Variants in PTPRQ observed in about 807,000 individuals in gnomAD.
The protein encoded by PTPRQ is phosphatidylinositol phosphatase PTPRQ.
In PTPRQ, 199 loss-of-function variants were observed where a neutral mutation model predicts 246.0. The ratio of observed to expected loss-of-function variants is 0.81; its 90% CI spans 0.72 to 0.91. The LOEUF (loss-of-function observed/expected upper bound fraction) is 0.91, where lower values mean the gene tolerates loss of function less well. PTPRQ is among the 40% of genes least tolerant of loss of function. The pLI is 0.00. For synonymous variants in PTPRQ, 869 were observed against 853.2 expected, an observed-to-expected ratio of 1.02 and a Z score of -0.32; for missense variants, 2,624 against 2,528.4, an observed-to-expected ratio of 1.04 and a Z score of -0.81.
At chr12:80,577,724 A>C (rs1290716437) in intron 25 of PTPRQ, among the ~76,000 whole-genome samples, 1 of 152,176 alleles carries the variant, frequency 6.6e-6, no homozygotes, top group East Asian at 1.9e-4. Context: ...CAATTGTCCA[A>C]CTATACATGC....
At chr12:80,611,367 G>A (rs1898544353) in intron 28 of PTPRQ, among the ~76,000 whole-genome samples, 1 of 150,318 alleles carries the variant, frequency 6.7e-6, no homozygotes. Context: ...TGTAAGGTAA[G>A]TATAGGAAGT....
intron 3 of PTPRQ, among the ~76,000 whole-genome samples, chr12:80,446,611 G>A (rs1030044898): frequency 5.9e-5 from 9 of 151,674 alleles, no homozygotes; most frequent in East Asian, 1.9e-4. Context: ...TTGAAATCCC[G>A]TGTTTATTAT....
chr12:80,663,176 T>C (rs1900684715), intron 39 of PTPRQ, among the ~76,000 whole-genome samples: 1 of 151,902 alleles, frequency 6.6e-6, no homozygotes, highest in Admixed American at 6.6e-5. Flanking sequence ...TAAAATAATA[T>C]TTCAAATCCT....
chr12:80,669,293 C>A, intron 40 of PTPRQ, 46 bp from the exon 41 acceptor site: 1 of 1,542,158 alleles, frequency 6.5e-7, no homozygotes, highest in South Asian at 1.2e-5. Context: ...ACATATATAT[C>A]AATATAACAA....
chr12:80,495,394 T>TGTC (rs1894585697), intron 12 of PTPRQ, 23 bp downstream of exon 12: 1 of 1,490,108 alleles, frequency 6.7e-7, no homozygotes, highest in African/African-American at 1.4e-5. Context: ...GTTTTGTTGT[T>TGTC]GTTGTTGTTG....
intron 26 of PTPRQ, among the ~76,000 whole-genome samples, chr12:80,591,544 T>C (rs1188751320): frequency 6.6e-6 from 1 of 152,166 alleles, no homozygotes; most frequent in African/African-American, 2.4e-5. Context: ...CAGATTGTTT[T>C]CCAGTGCAGG....
At chr12:80,646,633 T>C (rs1900084642) in intron 35 of PTPRQ, among the ~76,000 whole-genome samples, 1 of 152,270 alleles carries the variant, frequency 6.6e-6, no homozygotes, top group East Asian at 1.9e-4. Flanking sequence ...GGAAACTATC[T>C]CCTTGCATGC....
intron 28 of PTPRQ, among the ~76,000 whole-genome samples, chr12:80,612,105 A>G (rs1898574256): frequency 6.7e-6 from 1 of 150,346 alleles, no homozygotes; most frequent in South Asian, 2.1e-4. Flanking sequence ...AGTTGAACAA[A>G]ATAGATATAG....
intron 8 of PTPRQ, among the ~76,000 whole-genome samples, chr12:80,476,154 TA>T (rs914280391): frequency 6.6e-6 from 1 of 152,208 alleles, no homozygotes; most frequent in Middle Eastern, 3.4e-3. Context: ...TTTGTCTGCA[TA>T]AAAACTGCAA....
chr12:80,559,717 T>C (rs1260653844), intron 25 of PTPRQ, among the ~76,000 whole-genome samples: 2 of 152,198 alleles, frequency 1.3e-5, no homozygotes, highest in Non-Finnish European at 2.9e-5. Context: ...CTTTGGAAGG[T>C]ATAGATATAC....
rs1431593404 is a variant in PTPRQ at position 80,533,865 on chromosome 12, T to G, written c.2679-150T>G. 3 of 560,340 alleles carry G rather than the reference T, an allele frequency of 5.4e-6. No individual in the cohort carries two copies. In the East Asian group the frequency reaches 1.1e-4, roughly 20 times the overall value. The allele number at this position is 560,340 out of a possible 1,614,324, so 34.7% of individuals were successfully genotyped here. ...TAAAGAATTCTGAAATTTACTATTTTCAGTATTTCAGGATAACCAACATCT... is the reference window on the plus strand; with the variant it reads ...TAAAGAATTCTGAAATTTACTATTTGCAGTATTTCAGGATAACCAACATCT... On this transcript the variant is annotated intron_variant, in intron 17 of 44. Transcript: ENST00000644991.
intron 17 of PTPRQ, among the ~76,000 whole-genome samples, chr12:80,527,659 C>T (rs568329595): frequency 6.6e-6 from 1 of 152,098 alleles, no homozygotes; most frequent in East Asian, 1.9e-4. Context: ...AGAAAAAGCA[C>T]ATTTAATTTA....
chr12:80,562,510 C>T lies in PTPRQ; in HGVS notation c.4285+12776C>T, dbSNP rs182898678. Among the ~76,000 whole-genome samples the T allele has an allele frequency of 9.4e-4, 143 of 152,000 alleles. 1 individual carries two copies. Among genetic ancestry groups the T allele is most frequent in the African/African-American group, 3.1e-3 (129 of 41,460 alleles). On this transcript the variant is annotated intron_variant, in intron 25 of 44. Transcript: ENST00000644991. Reference sequence around the variant, plus strand: ...ACAAGTTAGAAAAAGCAACACTTCTCGATAATTCATAGATTGCAAAGGAAA... The same window carrying T: ...ACAAGTTAGAAAAAGCAACACTTCTTGATAATTCATAGATTGCAAAGGAAA...
chr12:80,504,940 T>C (rs1894908392), intron 14 of PTPRQ, among the ~76,000 whole-genome samples: 1 of 151,872 alleles, frequency 6.6e-6, no homozygotes, highest in Admixed American at 6.6e-5. Flanking sequence ...AATGAATGCA[T>C]CACATTGCAC....
chr12:80,639,419 A>G (rs528611519), intron 35 of PTPRQ, among the ~76,000 whole-genome samples: 89 of 152,192 alleles, frequency 5.8e-4, no homozygotes, highest in South Asian at 1.4e-3. Context: ...AATTTTATGC[A>G]CCACTTCATA....
At chr12:80,610,773 C>T in intron 28 of PTPRQ, 148 bp downstream of exon 28, 1 of 915,580 alleles carries the variant, frequency 1.1e-6, no homozygotes, top group Non-Finnish European at 1.5e-6. Context: ...CTGCAACTGA[C>T]AAAAAGGAAG....
intron 27 of PTPRQ, among the ~76,000 whole-genome samples, chr12:80,607,341 A>C (rs1404537788): frequency 6.6e-6 from 1 of 150,714 alleles, no homozygotes; most frequent in Non-Finnish European, 1.5e-5. Flanking sequence ...CCTCACCAAA[A>C]CTCCTTTAGA....
At chr12:80,454,320 C>T (rs544259094) in intron 3 of PTPRQ, among the ~76,000 whole-genome samples, 6 of 149,226 alleles carry the variant, frequency 4.0e-5, no homozygotes, top group African/African-American at 1.3e-4. Context: ...CCTTGCACTT[C>T]CCGAGTGAGG....
intron 14 of PTPRQ, among the ~76,000 whole-genome samples, chr12:80,502,839 G>C (rs1592590109): frequency 1.3e-5 from 2 of 151,862 alleles, no homozygotes; most frequent in Admixed American, 1.3e-4. Flanking sequence ...GTAAAGTAAG[G>C]TGGGGGAAAA....
Sources: allele counts gnomAD v4.1 joint callset (sites outside exome capture counted in the v4.1 genomes callset), GRCh38; gene constraint gnomAD v4.1.1; transcripts MANE v1.5; gene names NCBI Gene and HGNC (gene_info 2026-07-23, HGNC 2026-07-21).